NTNG1: variants seen among roughly 807,000 people sequenced by gnomAD.
The protein encoded by NTNG1 is netrin-G1.
Under a neutral mutation model 54.0 loss-of-function variants are expected in NTNG1, and 16 were observed. That is an observed-to-expected ratio of 0.30 (90% CI 0.20 to 0.45). The LOEUF (loss-of-function observed/expected upper bound fraction) is 0.45. Among genes scored for constraint, NTNG1 ranks in the 20% least tolerant of loss-of-function variants. NTNG1 has a pLI of 1.00. For missense variants in NTNG1, 530 were observed against 678.7 expected (o/e 0.78, Z 2.43); for synonymous variants, 255 against 263.1 (o/e 0.97, Z 0.30).
rs553047126 is a variant in NTNG1, at chr1:107,314,557, A to G, written c.247-9725A>G. Reference sequence around the variant, plus strand: ...CTACATATATGAGTTAACATAGGACACTGTCCTAGGTTTTTGCCCTTTTAT... The same window carrying G: ...CTACATATATGAGTTAACATAGGACGCTGTCCTAGGTTTTTGCCCTTTTAT... On this transcript the variant is annotated intron_variant, in intron 2 of 7. Coordinates refer to ENST00000370068, the MANE Select transcript of NTNG1 (RefSeq NM_001113226.3). Among the ~76,000 whole-genome samples, 20 of 152,310 alleles carry G rather than the reference A, an allele frequency of 1.3e-4. No homozygotes were observed. The South Asian group carries it at 4.1e-3, about 32-fold the overall frequency.
chr1:107,324,207 C>A, intron 2 of NTNG1, 75 bp from the exon 3 acceptor site: 1 of 1,382,124 alleles, frequency 7.2e-7, no homozygotes, highest in Non-Finnish European at 1.0e-6. Flanking sequence ...TAGCCTCTTA[C>A]TGAGCAACAG....
At chr1:107,329,035 A>T (rs531965745) in intron 3 of NTNG1, 1 of 152,182 alleles carries the variant, frequency 6.6e-6, no homozygotes, top group African/African-American at 2.4e-5. Flanking sequence ...CTCAATGGTC[A>T]TTACACATTT....
intron 3 of NTNG1, among the ~76,000 whole-genome samples, chr1:107,390,759 T>G (rs1672308382): frequency 6.6e-6 from 1 of 152,192 alleles, no homozygotes; most frequent in Non-Finnish European, 1.5e-5. Context: ...AAGCACTTAT[T>G]ATGTGCCAAG....
chr1:107,309,663 T>G (rs79238188), intron 2 of NTNG1, among the ~76,000 whole-genome samples: 5,986 of 152,264 alleles, frequency 0.039, 139 homozygotes, highest in Non-Finnish European at 0.046. Context: ...CTTCCAACAT[T>G]GGACTCAACT....
chr1:107,400,567 G>C (rs1196608433), intron 4 of NTNG1, among the ~76,000 whole-genome samples: 1 of 151,968 alleles, frequency 6.6e-6, no homozygotes, highest in Non-Finnish European at 1.5e-5. Context: ...ACTTAGGTCT[G>C]TCTCATTATA....
intron 2 of NTNG1, among the ~76,000 whole-genome samples, chr1:107,303,080 A>G (rs1201707545): frequency 6.6e-6 from 1 of 152,216 alleles, no homozygotes. Context: ...AAGGCTAGCA[A>G]TAAGGACAAT....
chr1:107,204,893 T>C (rs879433841), intron 2 of NTNG1, among the ~76,000 whole-genome samples: 1 of 152,048 alleles, frequency 6.6e-6, no homozygotes, highest in Non-Finnish European at 1.5e-5. Context: ...GGCTTAGAGC[T>C]CCTATTGAGA....
intron 2 of NTNG1, among the ~76,000 whole-genome samples, chr1:107,288,804 C>T (rs190010910): frequency 3.3e-5 from 5 of 152,196 alleles, no homozygotes; most frequent in Admixed American, 1.3e-4. Flanking sequence ...GTATTTTGTT[C>T]AAAGGTTACA....
At chr1:107,261,354 C>G (rs1043735714) in intron 2 of NTNG1, among the ~76,000 whole-genome samples, 4 of 151,956 alleles carry the variant, frequency 2.6e-5, no homozygotes, top group African/African-American at 9.7e-5. Flanking sequence ...AAATACCAGA[C>G]AACTTCCAGT....
intron 7 of NTNG1, among the ~76,000 whole-genome samples, chr1:107,461,034 T>C (rs142111898): frequency 6.6e-6 from 1 of 152,282 alleles, no homozygotes; most frequent in East Asian, 1.9e-4. Context: ...AAAGGATGGA[T>C]GCTGGGTGAA....
intron 2 of NTNG1, among the ~76,000 whole-genome samples, chr1:107,149,517 A>T (rs1460764460): frequency 6.6e-6 from 1 of 152,220 alleles, no homozygotes; most frequent in Admixed American, 6.5e-5. Context: ...AGGACTCAGC[A>T]TATACAAATT....
intron 3 of NTNG1, among the ~76,000 whole-genome samples, chr1:107,332,792 T>TA (rs1402559685): frequency 6.6e-6 from 1 of 152,090 alleles, no homozygotes; most frequent in Non-Finnish European, 1.5e-5. Flanking sequence ...TTCAATTCAA[T>TA]AAGCCACTTT....
intron 2 of NTNG1, among the ~76,000 whole-genome samples, chr1:107,157,034 C>T (rs768613127): frequency 2.6e-5 from 4 of 152,108 alleles, no homozygotes; most frequent in Admixed American, 6.5e-5. Context: ...TCCCCACACA[C>T]GGCCAAAACA....
At chr1:107,245,574 T>C (rs1662140138) in intron 2 of NTNG1, among the ~76,000 whole-genome samples, 1 of 152,258 alleles carries the variant, frequency 6.6e-6, no homozygotes, top group African/African-American at 2.4e-5. Flanking sequence ...TTGTCTTGCT[T>C]TTACTATTGT....
intron 3 of NTNG1, among the ~76,000 whole-genome samples, chr1:107,372,034 C>G (rs1011492934): frequency 6.6e-6 from 1 of 152,012 alleles, no homozygotes; most frequent in African/African-American, 2.4e-5. Flanking sequence ...TATCACCTCT[C>G]TCATTCCTTA....
At chr1:107,171,108 A>G (rs971678351) in intron 2 of NTNG1, among the ~76,000 whole-genome samples, 1 of 152,132 alleles carries the variant, frequency 6.6e-6, no homozygotes, top group Non-Finnish European at 1.5e-5. Flanking sequence ...CATTTTCTAT[A>G]TTTCAAATCA....
chr1:107,365,682 G>T (rs1403274302), intron 3 of NTNG1, among the ~76,000 whole-genome samples: 2 of 152,094 alleles, frequency 1.3e-5, no homozygotes, highest in Non-Finnish European at 2.9e-5. Flanking sequence ...ATGCCACTTG[G>T]CATGAGATAT....
At chr1:107,390,546 A>G (rs1672297050) in intron 3 of NTNG1, among the ~76,000 whole-genome samples, 1 of 152,158 alleles carries the variant, frequency 6.6e-6, no homozygotes, top group African/African-American at 2.4e-5. Flanking sequence ...CCTTTCTCCA[A>G]TGTAGTGTAA....
chr1:107,270,294 T>C (rs1664056573), intron 2 of NTNG1, among the ~76,000 whole-genome samples: 1 of 152,262 alleles, frequency 6.6e-6, no homozygotes, highest in East Asian at 1.9e-4. Context: ...TAGTAAGATA[T>C]GAAAATCTCA....
Sources: gnomAD v4.1 joint callset for allele counts (sites outside exome capture counted in the v4.1 genomes callset) on GRCh38, gnomAD v4.1.1 for gene constraint, MANE v1.5 for transcripts, NCBI Gene and HGNC (gene_info 2026-07-23, HGNC 2026-07-21) for gene names.